Variants in PLA1A observed in about 807,000 individuals in gnomAD.
PLA1A encodes phosphatidylserine-specific phospholipase A1alpha.
In PLA1A, 47 loss-of-function variants were observed where a neutral mutation model predicts 49.4. That is an observed-to-expected ratio of 0.95 (90% CI 0.75 to 1.21). PLA1A has a LOEUF of 1.21. PLA1A is among the 50% of genes most tolerant of loss of function. The pLI is 0.00. For synonymous variants in PLA1A, 224 were observed against 207.9 expected (o/e 1.08, Z -0.67); for missense variants, 561 against 563.9 (o/e 0.99, Z 0.05).
At chr3:119,598,839 T>C (rs920084013) in intron 1 of PLA1A, among the ~76,000 whole-genome samples, 3 of 152,180 alleles carry the variant, frequency 2.0e-5, no homozygotes, top group Non-Finnish European at 4.4e-5. Flanking sequence ...CTCATTCTTT[T>C]TCTGCTCAGC....
intron 1 of PLA1A, among the ~76,000 whole-genome samples, chr3:119,604,380 T>TA (rs918927117): frequency 1.3e-5 from 2 of 150,074 alleles, no homozygotes; most frequent in Non-Finnish European, 1.5e-5. Context: ...AATGAATGAA[T>TA]AAAAAAAAAG....
intron 1 of PLA1A, 43 bp downstream of exon 1, chr3:119,598,029 G>T (rs772904314): frequency 1.2e-5 from 15 of 1,272,222 alleles, no homozygotes; most frequent in Admixed American, 9.6e-5. Flanking sequence ...ATTTCAGTCA[G>T]TGATCATATT....
chr3:119,610,094 C>T (rs1460273796), intron 4 of PLA1A, among the ~76,000 whole-genome samples: 1 of 152,192 alleles, frequency 6.6e-6, no homozygotes, highest in African/African-American at 2.4e-5. Context: ...TTTGTTTCTG[C>T]ATTAATTGGC....
intron 8 of PLA1A, among the ~76,000 whole-genome samples, chr3:119,619,918 G>T (rs762185457): frequency 3.3e-5 from 5 of 152,196 alleles, no homozygotes; most frequent in African/African-American, 1.2e-4. Context: ...CTTCTCTCTC[G>T]AGTGATGTTT....
intron 8 of PLA1A, among the ~76,000 whole-genome samples, 161 bp from the exon 9 acceptor site, chr3:119,624,963 T>G (rs1235133069): frequency 6.6e-6 from 1 of 152,200 alleles, no homozygotes; most frequent in East Asian, 1.9e-4. Flanking sequence ...CAATTTGCAC[T>G]TGAGGAAACT....
At position 119,624,649 on chromosome 3, in the gene PLA1A, T is replaced by C. The variant is rs184872881; in HGVS notation, c.1013-475T>C. Among the ~76,000 whole-genome samples the C allele has an allele frequency of 7.0e-3, 1,059 of 151,538 alleles. 9 individuals are homozygous for C. Among genetic ancestry groups the C allele is most frequent in the African/African-American group, 0.025 (1,009 of 41,012 alleles). ...TAGGGTATCTATTTTTTTTTTTTTT[T>C]AGACGGAGTCTTGCTCTGCCGCCCA... On this transcript the variant is annotated intron_variant, in intron 8 of 10. Transcript: ENST00000273371.
chr3:119,605,341 C>T (rs2082672282), intron 1 of PLA1A, among the ~76,000 whole-genome samples: 1 of 152,224 alleles, frequency 6.6e-6, no homozygotes, highest in Non-Finnish European at 1.5e-5. Flanking sequence ...TAGTCTACCA[C>T]AGCGATGCTC....
In PLA1A at chr3:119,606,858, T is replaced by G; in HGVS notation, c.158T>G (p.Phe53Cys). Residue 53 changes from phenylalanine to cysteine, a missense_variant, in exon 2 of 11, where the codon TTT (phenylalanine) becomes TGT (cysteine). Physicochemically the swap from Phe to Cys is radical, Grantham distance 205. Transcript: ENST00000273371. ...LFEGTDLKVQ[F>C]LLFVPSNPSC... ...GAAGGCACCGATCTCAAAGTCCAGT[T>G]TCTCCTCTTTGTCCCTTCGAATCCT... is the stretch of plus-strand genomic sequence containing the variant. The G allele has an allele frequency of 6.2e-7, 1 of 1,614,164 alleles. No individual in the cohort carries two copies. Among genetic ancestry groups the G allele is most frequent in the Non-Finnish European group, 8.5e-7 (1 of 1,180,004 alleles).
chr3:119,625,137 C>T lies in PLA1A; in HGVS notation c.1026C>T (p.Leu342=), dbSNP rs150647691. Residue 342 remains leucine (L), a synonymous_variant, in exon 9 of 11, where the codon CTC becomes CTT. Transcript: ENST00000273371. ...SSAPYCMHHS[L]VEFHLKELRN... is the part of the protein sequence containing the mutation. The stretch of plus-strand genomic sequence containing the variant: ...TTGGTTTCCTAGTGCATCACAGCCT[C>T]GTGGAGTTTCACTTGAAGGAACTGA... 19 of 1,612,428 alleles carry T rather than the reference C, an allele frequency of 1.2e-5. No individual in the cohort carries two copies. Among genetic ancestry groups the T allele is most frequent in the East Asian group, 4.5e-5 (2 of 44,876 alleles).
At chr3:119,624,761 G>A (rs1337125328) in intron 8 of PLA1A, among the ~76,000 whole-genome samples, 7 of 151,968 alleles carry the variant, frequency 4.6e-5, no homozygotes, top group African/African-American at 1.7e-4. Flanking sequence ...CTCCTGAGTA[G>A]CTGGGATTAC....
intron 1 of PLA1A, among the ~76,000 whole-genome samples, chr3:119,600,007 A>G (rs1046970904): frequency 2.6e-5 from 4 of 152,140 alleles, no homozygotes; most frequent in African/African-American, 9.7e-5. Context: ...AGGGATAGAA[A>G]TATGCCAAAG....
At chr3:119,619,407 C>A (rs1307813493) in intron 7 of PLA1A, among the ~76,000 whole-genome samples, 156 bp from the exon 8 acceptor site, 1 of 152,176 alleles carries the variant, frequency 6.6e-6, no homozygotes, top group African/African-American at 2.4e-5. Context: ...TTGCTGGGAT[C>A]CCAGGACTCA....
chr3:119,614,474 T>C (rs2082816667), intron 5 of PLA1A, among the ~76,000 whole-genome samples: 1 of 151,834 alleles, frequency 6.6e-6, no homozygotes, highest in South Asian at 2.1e-4. Flanking sequence ...GGCGTGGTGG[T>C]AGGCACCTGT....
At chr3:119,607,335 C>T (rs1265465902) in intron 2 of PLA1A, among the ~76,000 whole-genome samples, 8 of 152,148 alleles carry the variant, frequency 5.3e-5, no homozygotes, top group African/African-American at 1.4e-4. Flanking sequence ...GTGCTACTTC[C>T]GTCATACCCA....
intron 5 of PLA1A, among the ~76,000 whole-genome samples, 187 bp from the exon 6 acceptor site, chr3:119,615,824 GA>G (rs1183045059): frequency 3.5e-5 from 5 of 141,058 alleles, no homozygotes; most frequent in African/African-American, 8.4e-5. Context: ...GAAAGCCTCA[GA>G]AAAAAAAAAG....
intron 1 of PLA1A, chr3:119,600,381 T>G: frequency 1.4e-6 from 1 of 703,016 alleles, no homozygotes; most frequent in South Asian, 1.5e-5. Context: ...TCCAGGTGGA[T>G]GCACAAGTCT....
intron 9 of PLA1A, among the ~76,000 whole-genome samples, chr3:119,628,331 T>G (rs1288077641): frequency 6.6e-6 from 1 of 152,260 alleles, no homozygotes; most frequent in Non-Finnish European, 1.5e-5. Flanking sequence ...CAGAATTCTT[T>G]GAAAAGGAAT....
At chr3:119,612,980 G>A in intron 4 of PLA1A, 37 bp from the exon 5 acceptor site, 3 of 1,334,292 alleles carry the variant, frequency 2.2e-6, no homozygotes, top group Non-Finnish European at 3.1e-6. Flanking sequence ...CTGCAGCTGA[G>A]AGGAAAGAGG....
At chr3:119,616,183 G>A (rs2082846659) in intron 6 of PLA1A, 82 bp downstream of exon 6, 1 of 834,022 alleles carries the variant, frequency 1.2e-6, no homozygotes, top group South Asian at 1.4e-5. Flanking sequence ...GTCAGCCAGA[G>A]TGGGCCATAG....
Sources: allele counts gnomAD v4.1 joint callset (sites outside exome capture counted in the v4.1 genomes callset), GRCh38; gene constraint gnomAD v4.1.1; transcripts MANE v1.5; gene names NCBI Gene and HGNC (gene_info 2026-07-23, HGNC 2026-07-21).